Variants in CHID1 observed in about 807,000 individuals in gnomAD.
CHID1 encodes chitinase domain-containing protein 1.
CHID1 carries 44 observed loss-of-function variants against 55.4 expected under a neutral mutation model. That is an observed-to-expected ratio of 0.79 (90% CI 0.62 to 1.02). The LOEUF is 1.02. CHID1 is among the 50% of genes least tolerant of loss of function. The probability of loss-of-function intolerance (pLI) is 0.00; values close to 1 mark genes in which losing one functional copy is unlikely to be tolerated. For missense variants in CHID1, 491 were observed against 515.3 expected, an observed-to-expected ratio of 0.95 and a Z score of 0.46; for synonymous variants, 216 against 212.9, an observed-to-expected ratio of 1.01 and a Z score of -0.13.
chr11:870,583 G>A (rs1299865868), intron 10 of CHID1, 84 bp from the exon 11 acceptor site: 5 of 980,448 alleles, frequency 5.1e-6, no homozygotes, highest in African/African-American at 4.8e-5. Flanking sequence ...GTGGCTCTCA[G>A]CAGGGGCAGG....
chr11:900,877 C>G, intron 5 of CHID1, 59 bp downstream of exon 5: 1 of 1,475,330 alleles, frequency 6.8e-7, no homozygotes. Context: ...CCAGTGCCCA[C>G]CTGTCCACCC....
chr11:899,294 C>A (rs1250852014), intron 7 of CHID1, 46 bp downstream of exon 7: 1 of 1,554,744 alleles, frequency 6.4e-7, no homozygotes, highest in Non-Finnish European at 8.7e-7. Flanking sequence ...CCTTCAAACA[C>A]CAGGGCCAGG....
Position 869,945 on chromosome 11 carries a change from C to T in CHID1, c.1095G>A (p.Val365=). 6.2e-7 allele frequency: 1 copy of T among 1,612,828 alleles called. No individual in the cohort carries two copies. Among genetic ancestry groups the T allele is most frequent in the Non-Finnish European group, 8.5e-7 (1 of 1,179,878 alleles). ...VFYPTLKSLQ[V]RLELARELGV... is the part of the protein sequence containing the mutation. The stretch of plus-strand genomic sequence containing the variant: ...CCAGCTCCCGGGCCAGCTCCAGCCG[C>T]ACCTGCAGGGACTGGGCACAGATGG... Residue 365 remains valine (V), a synonymous_variant, in exon 13 of 13, where the codon GTG becomes GTA. Coordinates refer to ENST00000323578, the MANE Select transcript of CHID1 (RefSeq NM_023947.4).
At position 902,192 on chromosome 11, in the gene CHID1, G is replaced by A. The variant is rs1222879058; in HGVS notation, c.394+6C>T. The A allele has an allele frequency of 5.0e-6, 8 of 1,613,722 alleles. No homozygotes were observed. In the East Asian group the frequency reaches 1.6e-4, roughly 31 times the overall value. On this transcript the variant is annotated splice_donor_region_variant and intron_variant, in intron 4 of 12. Transcript: ENST00000323578. ...GCAAGCACAGTCAAGCAGGAAGGAT[G>A]AGAACCTTGGTCCACGTCGTGGAGG...
rs569256094 is a variant in CHID1 at position 891,280 on chromosome 11, T to A, written c.701+2147A>T. On this transcript the variant is annotated intron_variant, in intron 8 of 12. Transcript: ENST00000323578. ...AGCCCTCCCCCGAGCTGGGTCCCAC[T>A]TCCCCGGGGACCCCCACCGTGGGCC... Among the ~76,000 whole-genome samples, 5 of 152,118 alleles carry A rather than the reference T, an allele frequency of 3.3e-5. No homozygotes were observed. In the South Asian group the frequency reaches 1.0e-3, roughly 32 times the overall value.
At chr11:901,243 C>G (rs1040779061) in intron 4 of CHID1, among the ~76,000 whole-genome samples, 5 of 152,180 alleles carry the variant, frequency 3.3e-5, no homozygotes, top group Admixed American at 3.3e-4. Flanking sequence ...TGAGCTGGGA[C>G]AGCTCAGAGC....
chr11:886,576 G>A (rs1850412847), intron 8 of CHID1, among the ~76,000 whole-genome samples: 1 of 152,208 alleles, frequency 6.6e-6, no homozygotes, highest in Non-Finnish European at 1.5e-5. Context: ...AGAGCTAGAC[G>A]AGGCCATGAT....
At chr11:899,953 G>T in intron 6 of CHID1, 51 bp downstream of exon 6, 1 of 1,429,906 alleles carries the variant, frequency 7.0e-7, no homozygotes, top group Non-Finnish European at 9.8e-7. Flanking sequence ...AGACGGCCAG[G>T]TGGGACCCGG....
At chr11:896,420 C>CGT (rs1851297486) in intron 7 of CHID1, among the ~76,000 whole-genome samples, 2 of 126,140 alleles carry the variant, frequency 1.6e-5, no homozygotes, top group African/African-American at 3.2e-5. Context: ...CCAGACACAA[C>CGT]GAGCCTGTCT....
chr11:888,802 C>T (rs1239782395), intron 8 of CHID1, among the ~76,000 whole-genome samples: 2 of 150,998 alleles, frequency 1.3e-5, no homozygotes, highest in Non-Finnish European at 3.0e-5. Context: ...CCTGCCCACT[C>T]GGCCTCGACT....
At chr11:878,633 C>T (rs983464150) in intron 10 of CHID1, among the ~76,000 whole-genome samples, 1 of 151,880 alleles carries the variant, frequency 6.6e-6, no homozygotes, top group African/African-American at 2.4e-5. Flanking sequence ...CAACAGAAAA[C>T]GAACTAACAC....
At chr11:913,134 G>A (rs1852786338), upstream of CHID1, among the ~76,000 whole-genome samples, 2 of 146,212 alleles carry the variant, frequency 1.4e-5, no homozygotes, top group South Asian at 4.3e-4. Context: ...GCCAAGGCAG[G>A]AAAATTGCCC....
chr11:902,030 C>G, intron 4 of CHID1, 168 bp downstream of exon 4: 1 of 640,890 alleles, frequency 1.6e-6, no homozygotes, highest in Non-Finnish European at 2.5e-6. Flanking sequence ...TCATCAGTCT[C>G]ACACTTACAC....
rs115326504 is a variant in CHID1, at chr11:870,040, C to T, written c.1083+81G>A. The T allele has an allele frequency of 3.8e-4, 602 of 1,603,374 alleles. 1 individual carries two copies. The African/African-American group carries it at 5.0e-3, about 13-fold the overall frequency. On this transcript the variant is annotated intron_variant, in intron 12 of 12. Transcript: ENST00000323578. ...TGTCCTCCAGGCCGAGGGGCAGCACCGCCTGGACCCCAGGCCAGTGCCTGC... is the reference window on the plus strand; with the variant it reads ...TGTCCTCCAGGCCGAGGGGCAGCACTGCCTGGACCCCAGGCCAGTGCCTGC...
intron 8 of CHID1, among the ~76,000 whole-genome samples, chr11:892,433 T>G (rs182184933): frequency 6.6e-6 from 1 of 152,286 alleles, no homozygotes; most frequent in African/African-American, 2.4e-5. Context: ...TGCACAATGC[T>G]GGGTACGTGT....
Position 869,759 on chromosome 11 carries a change from C to T in CHID1, c.*99G>A. The T allele has an allele frequency of 1.9e-6, 2 of 1,069,268 alleles. No individual in the cohort carries two copies. Among genetic ancestry groups the T allele is most frequent in the Non-Finnish European group, 2.9e-6 (2 of 696,420 alleles). 66.2% of individuals were successfully genotyped at this position (1,069,268 alleles called of 1,614,324 possible). ...CCCCCGACTGAGGACTGCAGCAGACCCGTCACAGCAAACGGAGTGGAGGCC... is the reference window on the plus strand; with the variant it reads ...CCCCCGACTGAGGACTGCAGCAGACTCGTCACAGCAAACGGAGTGGAGGCC... On this transcript the variant is annotated 3_prime_UTR_variant, in exon 13 of 13. Coordinates refer to ENST00000323578, the MANE Select transcript of CHID1 (RefSeq NM_023947.4).
chr11:913,902 T>C (rs555737230), upstream of CHID1, among the ~76,000 whole-genome samples: 8 of 152,010 alleles, frequency 5.3e-5, no homozygotes, highest in Non-Finnish European at 8.8e-5. Context: ...CCGTCTCTAC[T>C]AAAAATACAA....
chr11:882,960 G>T, intron 10 of CHID1, 188 bp downstream of exon 10: 2 of 598,952 alleles, frequency 3.3e-6, no homozygotes, highest in Non-Finnish European at 5.9e-6. Context: ...TATGGGTGGT[G>T]ACCACAGTGG....
intron 7 of CHID1, among the ~76,000 whole-genome samples, chr11:893,884 C>G (rs1435396234): frequency 6.6e-6 from 1 of 151,764 alleles, no homozygotes; most frequent in Non-Finnish European, 1.5e-5. Flanking sequence ...GTAATCCCAG[C>G]ACCTTGGGAG....
Sources: gnomAD v4.1 joint callset for allele counts (sites outside exome capture counted in the v4.1 genomes callset) on GRCh38, gnomAD v4.1.1 for gene constraint, MANE v1.5 for transcripts, NCBI Gene and HGNC (gene_info 2026-07-23, HGNC 2026-07-21) for gene names.